Variants in COL5A2 observed in about 807,000 individuals in gnomAD.
The protein encoded by COL5A2 is collagen alpha-2(V) chain.
A neutral mutation model predicts 208.2 loss-of-function variants in COL5A2; 23 were observed. The ratio of observed to expected loss-of-function variants is 0.11; its 90% confidence interval spans 0.08 to 0.16. The LOEUF (loss-of-function observed/expected upper bound fraction) is 0.16, where lower values mean the gene tolerates loss of function less well. Ranked by LOEUF, COL5A2 falls within the 10% of genes least tolerant of loss-of-function variation. The pLI, the probability that COL5A2 is intolerant of heterozygous loss-of-function variation, is 1.00. For synonymous variants in COL5A2, 625 were observed against 628.5 expected, an observed-to-expected ratio of 0.99 and a Z score of 0.08; for missense variants, 1,590 against 1,956.4, an observed-to-expected ratio of 0.81 and a Z score of 3.53.
intron 6 of COL5A2, among the ~76,000 whole-genome samples, chr2:189,095,540 C>T (rs1686890539): frequency 6.6e-6 from 1 of 151,846 alleles, no homozygotes. Flanking sequence ...CACGCACACA[C>T]TTATACCCAA....
At chr2:189,072,203 C>G (rs1686290661) in intron 17 of COL5A2, 110 bp from the exon 18 acceptor site, 3 of 715,354 alleles carry the variant, frequency 4.2e-6, no homozygotes, top group Admixed American at 4.9e-5. Context: ...GAATAACCTG[C>G]CTTTCACTTT....
the COL5A2 span, among the ~76,000 whole-genome samples, chr2:189,319,397 A>G: frequency 2.0e-5 from 3 of 152,260 alleles, no homozygotes; most frequent in Admixed American, 6.5e-5. Context: ...GCAAGGGGTC[A>G]GATAATTCCC....
At chr2:189,152,794 G>A (rs373353878) in intron 1 of COL5A2, among the ~76,000 whole-genome samples, 6 of 152,122 alleles carry the variant, frequency 3.9e-5, no homozygotes, top group African/African-American at 7.2e-5. Flanking sequence ...GGAGGGTGGC[G>A]AGGAATCAAA....
At chr2:189,254,281 C>G in the COL5A2 span, among the ~76,000 whole-genome samples, 1 of 109,368 alleles carries the variant, frequency 9.1e-6, no homozygotes, top group Non-Finnish European at 2.2e-5. Context: ...GAGATGATAG[C>G]TGTTTATCCT....
the COL5A2 span, among the ~76,000 whole-genome samples, chr2:189,246,319 C>T: frequency 2.6e-5 from 4 of 151,746 alleles, no homozygotes; most frequent in South Asian, 8.3e-4. Context: ...TAGATCAAAG[C>T]GTGGCCAAAG....
chr2:189,390,007 A>T, the COL5A2 span, among the ~76,000 whole-genome samples: 3 of 152,158 alleles, frequency 2.0e-5, no homozygotes, highest in African/African-American at 7.2e-5. Flanking sequence ...TGGTCAATGG[A>T]CACATTGGTT....
chr2:189,338,406 T>C, the COL5A2 span, among the ~76,000 whole-genome samples: 3 of 152,220 alleles, frequency 2.0e-5, no homozygotes, highest in South Asian at 4.2e-4. Context: ...AAGTATTAAA[T>C]ACCACTCATG....
At chr2:189,138,765 A>C (rs6723165) in intron 1 of COL5A2, among the ~76,000 whole-genome samples, 1 of 152,272 alleles carries the variant, frequency 6.6e-6, no homozygotes, top group Admixed American at 6.5e-5. Context: ...AAAGGGACAC[A>C]GAATACAACT....
At position 189,032,274 on chromosome 2, in the gene COL5A2, T is replaced by G. The variant is rs1685350390; in HGVS notation, c.*1796A>C. On this transcript the variant is annotated 3_prime_UTR_variant, in exon 54 of 54. Coordinates refer to ENST00000374866, the MANE Select transcript of COL5A2 (RefSeq NM_000393.5). Reference sequence around the variant, plus strand: ...TGAAAAATCTATTGCTTGCCCTTTTTATCAATAATACTACTCTGACATTTT... The same window carrying G: ...TGAAAAATCTATTGCTTGCCCTTTTGATCAATAATACTACTCTGACATTTT... The G allele has an allele frequency of 6.6e-6, 1 of 152,152 alleles. No homozygotes were observed. Among genetic ancestry groups the G allele is most frequent in the Admixed American group, 6.6e-5 (1 of 15,258 alleles). The allele number at this position is 152,152 out of a possible 1,614,324, so 9.4% of individuals were successfully genotyped here. A position where few individuals can be genotyped will look rare whatever the true frequency, so the allele number is the denominator to read the frequency against.
At chr2:189,313,210 A>G in the COL5A2 span, among the ~76,000 whole-genome samples, 1 of 152,352 alleles carries the variant, frequency 6.6e-6, no homozygotes, top group African/African-American at 2.4e-5. Context: ...ATGTGGGCTT[A>G]TGTAAACAGA....
At chr2:189,099,011 C>T (rs183500738) in intron 4 of COL5A2, among the ~76,000 whole-genome samples, 35 of 152,238 alleles carry the variant, frequency 2.3e-4, no homozygotes, top group Non-Finnish European at 3.8e-4. Flanking sequence ...GTTCAAATCC[C>T]GACACTACCC....
chr2:189,423,328 A>AC, the COL5A2 span, among the ~76,000 whole-genome samples: 3 of 151,982 alleles, frequency 2.0e-5, no homozygotes, highest in Admixed American at 2.0e-4. Flanking sequence ...ACCTTAAGGA[A>AC]CTAAAAAAAT....
the COL5A2 span, chr2:189,312,115 C>T: frequency 2.5e-5 from 21 of 847,566 alleles, no homozygotes; most frequent in Admixed American, 1.0e-4. Context: ...ACAGCATTTG[C>T]GAAGATCTGA....
Position 189,033,995 on chromosome 2 carries a change from T to G in COL5A2, c.*75A>C, listed in dbSNP as rs1030636802. On this transcript the variant is annotated 3_prime_UTR_variant, in exon 54 of 54. Transcript: ENST00000374866. The stretch of plus-strand genomic sequence containing the variant: ...TACTTCAAGAGTCTCAGGATCAACT[T>G]CAAACAGTCAAAGTTCTTGTGAATG... 5.6e-6 allele frequency: 9 copies of G among 1,601,328 alleles called. No homozygotes were observed. The highest frequency in any genetic ancestry group is 4.3e-6 in the Non-Finnish European group (5 of 1,170,604).
At chr2:189,147,790 C>T (rs1688067807) in intron 1 of COL5A2, among the ~76,000 whole-genome samples, 1 of 152,074 alleles carries the variant, frequency 6.6e-6, no homozygotes. Flanking sequence ...ACCTTGCAGG[C>T]CATCTACATG....
chr2:189,182,715 A>G (rs1250651375), upstream of COL5A2, among the ~76,000 whole-genome samples: 1 of 152,218 alleles, frequency 6.6e-6, no homozygotes, highest in Non-Finnish European at 1.5e-5. Flanking sequence ...TTCCACCAAG[A>G]AAAGTGATAA....
At chr2:189,324,951 A>C in the COL5A2 span, among the ~76,000 whole-genome samples, 1 of 152,220 alleles carries the variant, frequency 6.6e-6, no homozygotes, top group South Asian at 2.1e-4. Context: ...GATTAAGAAA[A>C]TGTGGCACAT....
chr2:189,425,073 T>C, the COL5A2 span, among the ~76,000 whole-genome samples: 1 of 152,162 alleles, frequency 6.6e-6, no homozygotes, highest in South Asian at 2.1e-4. Context: ...ATAAATTGTA[T>C]TGGGAAAAAT....
At chr2:189,152,869 T>A (rs1688172167) in intron 1 of COL5A2, among the ~76,000 whole-genome samples, 1 of 152,150 alleles carries the variant, frequency 6.6e-6, no homozygotes, top group African/African-American at 2.4e-5. Flanking sequence ...ATTTTATTTA[T>A]CTTGAACTGC....
Sources: allele counts gnomAD v4.1 joint callset (sites outside exome capture counted in the v4.1 genomes callset), GRCh38; gene constraint gnomAD v4.1.1; transcripts MANE v1.5; gene names NCBI Gene and HGNC (gene_info 2026-07-23, HGNC 2026-07-21).